The following IQSEC1 variants were observed in gnomAD, a reference collection of about 807,000 sequenced individuals.
IQSEC1 encodes IQ motif and Sec7 domain ArfGEF 1, also known as IQ motif and SEC7 domain-containing protein 1.
Under a neutral mutation model 91.0 loss-of-function variants are expected in IQSEC1, and 31 were observed. That is an observed-to-expected ratio of 0.34 (90% confidence interval 0.26 to 0.46). The LOEUF is 0.46. IQSEC1 is among the 20% of genes least tolerant of loss of function. The pLI, the probability that IQSEC1 is intolerant of heterozygous loss-of-function variation, is 1.00. For missense variants in IQSEC1, 1,388 were observed against 1,575.6 expected (o/e 0.88, Z 2.02); for synonymous variants, 699 against 662.6 (o/e 1.05, Z -0.84).
chr3:12,948,291 A>G (rs915551534), intron 1 of IQSEC1, among the ~76,000 whole-genome samples: 1 of 152,250 alleles, frequency 6.6e-6, no homozygotes, highest in Non-Finnish European at 1.5e-5. Flanking sequence ...CAGGAAGGGC[A>G]GACAAGCCTA....
intron 1 of IQSEC1, among the ~76,000 whole-genome samples, chr3:12,981,935 G>A (rs1701483407): frequency 6.6e-6 from 1 of 152,222 alleles, no homozygotes; most frequent in Non-Finnish European, 1.5e-5. Flanking sequence ...CCATAGATGG[G>A]GACACTAAGA....
chr3:12,900,346 GC>G lies in IQSEC1; in HGVS notation c.*636del. ...TTTGGTCTATTGTCTCACACACCCA[GC>G]TAAGGTACTGTCTTCCTATTAGGTA... On this transcript the variant is annotated 3_prime_UTR_variant, in exon 14 of 14. Transcript: ENST00000613206. The G allele has an allele frequency of 1.0e-6, 1 of 984,810 alleles. No individual in the cohort carries two copies. The highest frequency in any genetic ancestry group is 1.2e-6 in the Non-Finnish European group (1 of 829,618). The allele number at this position is 984,810 out of a possible 1,614,324, so 61.0% of individuals were successfully genotyped here.
rs546575460 is a variant in IQSEC1, at chr3:13,259,151, C to A, written c.272+23560G>T. ...CAGCCAGAAAAAAATCCCAACTGCC[C>A]CCACTGGGCCACACCGCTCCACCTC... On this transcript the variant is annotated intron_variant, in intron 1 of 15. Transcript: ENST00000648114. The surrounding 1 kb of genome is among the most constrained non-coding windows in gnomAD (Gnocchi z 4.6). Among the ~76,000 whole-genome samples, 1 of 152,216 alleles carries A rather than the reference C, an allele frequency of 6.6e-6. No individual in the cohort carries two copies. The highest frequency in any genetic ancestry group is 2.4e-5 in the African/African-American group (1 of 41,452).
At chr3:12,946,478 A>G (rs1471350088) in intron 1 of IQSEC1, among the ~76,000 whole-genome samples, 1 of 152,204 alleles carries the variant, frequency 6.6e-6, no homozygotes, top group Admixed American at 6.5e-5. Flanking sequence ...GCCCCTTTCC[A>G]TAGATTTGTG....
chr3:13,058,935 G>A (rs1194019486), intron 1 of IQSEC1, among the ~76,000 whole-genome samples: 2 of 152,106 alleles, frequency 1.3e-5, no homozygotes, highest in African/African-American at 4.8e-5. Context: ...GGACAGCGCT[G>A]CCCTCAGCCA....
Position 12,920,477 on chromosome 3 carries a change from T to C in IQSEC1, c.1973A>G (p.Lys658Arg), listed in dbSNP as rs781326232. Residue 658 changes from lysine (K) to arginine (R), a missense_variant, in exon 6 of 14, where the codon AAG (lysine) becomes AGG (arginine). Lys to Arg is a conservative substitution (Grantham distance 26). This residue lies in a region of IQSEC1 where 1,059 missense variants were observed against 1,317.8 expected (regional missense o/e 0.80). Coordinates refer to ENST00000613206, the MANE Select transcript of IQSEC1 (RefSeq NM_001134382.3). The stretch of plus-strand genomic sequence containing the variant: ...CTCTAGCTTCATTTTCCGCTCGGGC[T>C]TGACATTGGGGCTGTACATGTCGGT... ...LNTDMYSPNV[K>R]PERKMKLEDF... The C allele has an allele frequency of 4.3e-6, 7 of 1,614,214 alleles. No individual in the cohort carries two copies. Among genetic ancestry groups the C allele is most frequent in the Non-Finnish European group, 5.9e-6 (7 of 1,180,036 alleles).
intron 2 of IQSEC1, among the ~76,000 whole-genome samples, chr3:13,149,840 A>T (rs567881216): frequency 4.4e-4 from 67 of 152,222 alleles, no homozygotes; most frequent in Non-Finnish European, 8.1e-4. Flanking sequence ...CCTGCCCTCT[A>T]CATGATACAG....
chr3:13,124,958 C>T (rs966135031), intron 2 of IQSEC1, among the ~76,000 whole-genome samples: 4 of 152,176 alleles, frequency 2.6e-5, no homozygotes, highest in Non-Finnish European at 5.9e-5. Context: ...TCATGTTTGG[C>T]CAGGGCATCA....
At chr3:12,939,062 A>G (rs941489588) in intron 2 of IQSEC1, among the ~76,000 whole-genome samples, 2 of 152,166 alleles carry the variant, frequency 1.3e-5, no homozygotes, top group East Asian at 3.8e-4. Flanking sequence ...CTCATCTACT[A>G]TGTGTGCTGG....
intron 2 of IQSEC1, among the ~76,000 whole-genome samples, chr3:13,130,143 A>G (rs1349483366): frequency 6.6e-6 from 1 of 150,950 alleles, no homozygotes; most frequent in Non-Finnish European, 1.5e-5. Flanking sequence ...CAGGAGTTCG[A>G]GAACAGCCTG....
chr3:12,913,438 T>C lies in IQSEC1; in HGVS notation c.2306A>G (p.Asp769Gly). 1 of 1,597,904 alleles carries C rather than the reference T, an allele frequency of 6.3e-7. No individual in the cohort carries two copies. The highest frequency in any genetic ancestry group is 1.3e-5 in the African/African-American group (1 of 74,614). ...GGGTGAGCCACATACCACCAGGAGG[T>C]CGTTGAACAGGAAGATTTCTCGCTG... ...LHQREIFLFN[D>G]LLVVTKIFQK... Residue 769 changes from aspartate (D) to glycine (G), a missense_variant, in exon 9 of 14, where the codon GAC (aspartate) becomes GGC (glycine). Asp to Gly is a moderately conservative substitution (Grantham distance 94). Transcript: ENST00000613206.
At chr3:13,177,979 C>A (rs1411659857) in intron 1 of IQSEC1, among the ~76,000 whole-genome samples, 1 of 152,220 alleles carries the variant, frequency 6.6e-6, no homozygotes, top group African/African-American at 2.4e-5. Context: ...GAGAAAGCCA[C>A]AGCAACATCC....
intron 1 of IQSEC1, among the ~76,000 whole-genome samples, chr3:12,966,163 C>T (rs964992346): frequency 3.3e-5 from 5 of 152,190 alleles, no homozygotes; most frequent in Non-Finnish European, 5.9e-5. Flanking sequence ...TGATTCCAGA[C>T]AGATGGTCTT....
chr3:13,178,697 A>T (rs1335029572), intron 1 of IQSEC1, among the ~76,000 whole-genome samples: 1 of 152,242 alleles, frequency 6.6e-6, no homozygotes, highest in Non-Finnish European at 1.5e-5. Context: ...CATGAGCACT[A>T]ACCTACTCCA....
intron 2 of IQSEC1, among the ~76,000 whole-genome samples, chr3:13,130,898 A>C (rs1444765750): frequency 1.3e-5 from 2 of 150,734 alleles, no homozygotes; most frequent in African/African-American, 4.9e-5. Context: ...CTTCCAGCTT[A>C]GATGACAGAA....
At chr3:13,273,465 C>A (rs772359555) in intron 1 of IQSEC1, among the ~76,000 whole-genome samples, 2 of 152,242 alleles carry the variant, frequency 1.3e-5, no homozygotes, top group Non-Finnish European at 2.9e-5. Context: ...CTGCTGCAGG[C>A]AGCCAAGATG....
chr3:13,085,251 C>T (rs1048071862), intron 2 of IQSEC1, among the ~76,000 whole-genome samples: 1 of 152,084 alleles, frequency 6.6e-6, no homozygotes, highest in Non-Finnish European at 1.5e-5. Flanking sequence ...AGAACTGAAC[C>T]GACCAGAGCA....
intron 1 of IQSEC1, among the ~76,000 whole-genome samples, chr3:13,067,909 TAGGGGCAC>T (rs1193820075): frequency 6.6e-6 from 1 of 152,188 alleles, no homozygotes; most frequent in African/African-American, 2.4e-5. Context: ...CCAGGTCCTT[TAGGGGCAC>T]AGGGGGCCTT....
chr3:12,941,738 C>T lies in IQSEC1; in HGVS notation c.151G>A (p.Ala51Thr), dbSNP rs1191184868. ...GGCGGCCCCGAGTACAGCCCATAGGCTCCCACTGACGTGTGCTCGTAGTGA... is the reference window on the plus strand; with the variant it reads ...GGCGGCCCCGAGTACAGCCCATAGGTTCCCACTGACGTGTGCTCGTAGTGA... ...PDHYEHTSVG[A>T]YGLYSGPPGQ... Residue 51 changes from alanine to threonine, a missense_variant, in exon 2 of 14, where the codon GCC (alanine) becomes ACC (threonine). Physicochemically the swap from Ala to Thr is moderately conservative, Grantham distance 58 (BLOSUM62 0). This residue lies in a region of IQSEC1 where 1,059 missense variants were observed against 1,317.8 expected (regional missense o/e 0.80). Coordinates refer to ENST00000613206, the MANE Select transcript of IQSEC1 (RefSeq NM_001134382.3). The T allele has an allele frequency of 6.2e-7, 1 of 1,612,402 alleles. No homozygotes were observed. The highest frequency in any genetic ancestry group is 1.1e-5 in the South Asian group (1 of 91,048).
Sources: allele counts gnomAD v4.1 joint callset (sites outside exome capture counted in the v4.1 genomes callset), GRCh38; gene constraint gnomAD v4.1.1; regional missense constraint gnomAD v4.1.1; non-coding constraint Gnocchi (gnomAD v3.1); transcripts MANE v1.5; gene names NCBI Gene and HGNC (gene_info 2026-07-23, HGNC 2026-07-21).